Variants in SHOC1 observed in about 807,000 individuals in gnomAD.
SHOC1 encodes protein shortage in chiasmata 1 ortholog.
In SHOC1, 136 loss-of-function variants were observed where a neutral mutation model predicts 179.2. That is an observed-to-expected ratio of 0.76 (90% CI 0.66 to 0.87). The LOEUF is 0.87. Ranked by LOEUF, SHOC1 falls within the 40% of genes least tolerant of loss-of-function variation. SHOC1 has a pLI of 0.00. For missense variants in SHOC1, 1,538 were observed against 1,700.8 expected, an observed-to-expected ratio of 0.90 and a Z score of 1.68; for synonymous variants, 489 against 586.6, an observed-to-expected ratio of 0.83 and a Z score of 2.41.
intron 5 of SHOC1, among the ~76,000 whole-genome samples, chr9:111,761,851 A>T (rs899043689): frequency 6.6e-6 from 1 of 152,070 alleles, no homozygotes; most frequent in Non-Finnish European, 1.5e-5. Context: ...TAAAAATATA[A>T]TTTTTTTGCC....
intron 20 of SHOC1, among the ~76,000 whole-genome samples, 177 bp from the exon 21 acceptor site, chr9:111,705,541 C>A (rs1365581163): frequency 1.3e-5 from 2 of 151,562 alleles, no homozygotes; most frequent in African/African-American, 2.4e-5. Flanking sequence ...CCATGTTATC[C>A]TACCGAGAAA....
chr9:111,722,686 C>A, intron 14 of SHOC1, 101 bp from the exon 15 acceptor site: 2 of 896,428 alleles, frequency 2.2e-6, no homozygotes, highest in Non-Finnish European at 1.6e-6. Context: ...GAACTTCTAT[C>A]TGAATTATTT....
intron 2 of SHOC1, among the ~76,000 whole-genome samples, chr9:111,790,334 G>A (rs1463589403): frequency 2.6e-5 from 4 of 152,104 alleles, no homozygotes; most frequent in Non-Finnish European, 5.9e-5. Context: ...GAAGGGCAAA[G>A]TATCTGTCCC....
rs533102480 is a variant in SHOC1, at chr9:111,735,161, G to C, written c.1417+3119C>G. Among the ~76,000 whole-genome samples the C allele has an allele frequency of 8.6e-5, 13 of 152,042 alleles. No individual in the cohort carries two copies. In the South Asian group the frequency reaches 2.7e-3, roughly 32 times the overall value. On this transcript the variant is annotated intron_variant, in intron 12 of 27. Transcript: ENST00000682961. ...ATGATTTCATTCTTCTTTATGGTTG[G>C]GTACTATTCCATGGTGTGTATGTAC...
In SHOC1 at chr9:111,691,848, C is replaced by T; in HGVS notation, c.4129G>A (p.Gly1377Ser). Residue 1377 changes from glycine to serine, a missense_variant, in exon 27 of 28, where the codon GGT becomes AGT. By Grantham distance (56) the Gly-to-Ser change is moderately conservative. Coordinates refer to ENST00000682961, the MANE Select transcript of SHOC1 (RefSeq NM_001378211.1). ...TTGTTACATGCAGTCTGCTGTGCAC[C>T]ATATTGTAAGTTGAACGGGTGATTC... Reference protein sequence around the residue: ...QENHPFNLQYGAQQTACNKLY... With the variant: ...QENHPFNLQYSAQQTACNKLY... 1 of 1,613,696 alleles carries T rather than the reference C, an allele frequency of 6.2e-7. No individual in the cohort carries two copies. The highest frequency in any genetic ancestry group is 8.5e-7 in the Non-Finnish European group (1 of 1,179,916).
At chr9:111,713,019 T>C (rs936410485) in intron 18 of SHOC1, 81 bp downstream of exon 18, 4 of 878,632 alleles carry the variant, frequency 4.6e-6, no homozygotes, top group Non-Finnish European at 7.2e-6. Context: ...TATGTCTTAA[T>C]TTTAAAAGCT....
intron 25 of SHOC1, 65 bp from the exon 26 acceptor site, chr9:111,694,013 A>C: frequency 7.4e-7 from 1 of 1,350,144 alleles, no homozygotes; most frequent in African/African-American, 1.5e-5. Flanking sequence ...TTATTCTACA[A>C]GTAAGTACAT....
chr9:111,727,456 T>C (rs906635004), intron 13 of SHOC1, among the ~76,000 whole-genome samples, 177 bp downstream of exon 13: 1 of 152,190 alleles, frequency 6.6e-6, no homozygotes, highest in Non-Finnish European at 1.5e-5. Flanking sequence ...ATCATGCCTA[T>C]ATATCCATAT....
chr9:111,714,638 T>C lies in SHOC1; in HGVS notation c.2237-15A>G, dbSNP rs547005353. The C allele has an allele frequency of 7.1e-5, 113 of 1,588,498 alleles. No individual in the cohort carries two copies. Among genetic ancestry groups the C allele is most frequent in the Non-Finnish European group, 9.4e-5 (110 of 1,172,500 alleles). ...CGACAAATATCCTATTGAAGCAAAA[T>C]TAGAAAAAAATTGTCTAAGTATTTG... On this transcript the variant is annotated splice_polypyrimidine_tract_variant and intron_variant, in intron 16 of 27. Coordinates refer to ENST00000682961, the MANE Select transcript of SHOC1 (RefSeq NM_001378211.1).
intron 7 of SHOC1, among the ~76,000 whole-genome samples, chr9:111,757,473 A>G (rs2131563596): frequency 6.6e-6 from 1 of 152,328 alleles, no homozygotes; most frequent in Admixed American, 6.5e-5. Context: ...GAGCTTGTCC[A>G]GCTGCAAAAA....
chr9:111,725,137 ATATTC>A (rs1401993679), intron 13 of SHOC1, among the ~76,000 whole-genome samples: 1 of 152,202 alleles, frequency 6.6e-6, no homozygotes, highest in Admixed American at 6.5e-5. Context: ...ATAATGGACT[ATATTC>A]TAAACTAGAT....
chr9:111,774,232 G>T (rs540219778), intron 5 of SHOC1, among the ~76,000 whole-genome samples: 1 of 151,972 alleles, frequency 6.6e-6, no homozygotes, highest in East Asian at 1.9e-4. Context: ...TTAAAAAATA[G>T]AAGAATATAT....
chr9:111,773,484 G>C (rs1452686707), intron 5 of SHOC1, among the ~76,000 whole-genome samples: 1 of 151,868 alleles, frequency 6.6e-6, no homozygotes, highest in East Asian at 1.9e-4. Flanking sequence ...AGCTAATTTT[G>C]TATTTTTGGT....
intron 27 of SHOC1, among the ~76,000 whole-genome samples, chr9:111,690,651 C>T (rs544873775): frequency 1.4e-4 from 21 of 152,178 alleles, no homozygotes; most frequent in African/African-American, 5.1e-4. Context: ...ATAAATTCAG[C>T]ATCTATTTTT....
intron 4 of SHOC1, among the ~76,000 whole-genome samples, chr9:111,778,505 C>A (rs1033567554): frequency 6.6e-6 from 1 of 152,016 alleles, no homozygotes; most frequent in Non-Finnish European, 1.5e-5. Context: ...CAGTGGCTCA[C>A]GCCTGTAATC....
At chr9:111,788,834 G>A (rs1200941904) in intron 2 of SHOC1, among the ~76,000 whole-genome samples, 2 of 152,178 alleles carry the variant, frequency 1.3e-5, no homozygotes, top group Non-Finnish European at 2.9e-5. Context: ...TTGTAAATGA[G>A]TCAGTGTTCT....
At chr9:111,769,807 C>A (rs545408578) in intron 5 of SHOC1, among the ~76,000 whole-genome samples, 1 of 152,208 alleles carries the variant, frequency 6.6e-6, no homozygotes, top group East Asian at 1.9e-4. Flanking sequence ...GGAATGTATC[C>A]ATTTCTTCTA....
intron 7 of SHOC1, among the ~76,000 whole-genome samples, chr9:111,757,060 A>G (rs897905070): frequency 6.6e-6 from 1 of 152,220 alleles, no homozygotes; most frequent in Non-Finnish European, 1.5e-5. Context: ...CTTTAAGTCC[A>G]TTAAAATCTC....
At chr9:111,701,138 C>T (rs192526547) in intron 23 of SHOC1, among the ~76,000 whole-genome samples, 1 of 152,240 alleles carries the variant, frequency 6.6e-6, no homozygotes, top group East Asian at 1.9e-4. Flanking sequence ...AACTATCAAA[C>T]CTAGTATGGT....
Sources: gnomAD v4.1 joint callset for allele counts (sites outside exome capture counted in the v4.1 genomes callset) on GRCh38, gnomAD v4.1.1 for gene constraint, MANE v1.5 for transcripts, NCBI Gene and HGNC (gene_info 2026-07-23, HGNC 2026-07-21) for gene names.